SCAF8: variants seen among roughly 807,000 people sequenced by gnomAD.
SCAF8 encodes SR-related CTD associated factor 8, also known as SR-related and CTD-associated factor 8.
In SCAF8, 23 loss-of-function variants were observed where a neutral mutation model predicts 140.5. The observed-to-expected ratio is 0.16, with a 90% CI of 0.12 to 0.23. The LOEUF is 0.23. Among genes scored for constraint, SCAF8 ranks in the 10% least tolerant of loss-of-function variants. SCAF8 has a pLI of 1.00. For synonymous variants in SCAF8, 575 were observed against 528.9 expected (o/e 1.09, Z -1.20); for missense variants, 1,397 against 1,555.7 (o/e 0.90, Z 1.72).
rs1281459623 is a variant in SCAF8, at chr6:154,793,933, G to A, written c.475+957G>A. 4.2e-5 allele frequency among the ~76,000 whole-genome samples: 5 copies of A among 118,150 alleles called. No homozygotes were observed. The East Asian group carries it at 1.6e-3, about 39-fold the overall frequency. The allele number at this position is 118,150 out of a possible 152,430, so 77.5% of individuals were successfully genotyped here. On this transcript the variant is annotated intron_variant, in intron 5 of 19. Transcript: ENST00000367178. ...TGTGTGTGTATGAACAAAAATTGATGTACTGTTTTTTGAGACCTTGCTCTG... is the reference window on the plus strand; with the variant it reads ...TGTGTGTGTATGAACAAAAATTGATATACTGTTTTTTGAGACCTTGCTCTG...
chr6:154,787,947 T>C lies in SCAF8; in HGVS notation c.246T>C (p.Asp82=), dbSNP rs1012668288. 1.7e-5 allele frequency: 28 copies of C among 1,613,860 alleles called. No homozygotes were observed. The highest frequency in any genetic ancestry group is 2.2e-5 in the Non-Finnish European group (26 of 1,179,894). The change falls in exon 4 of 20, where the codon GAT becomes GAC. Residue 82 remains aspartate (D), a synonymous_variant. Transcript: ENST00000367178. The stretch of plus-strand genomic sequence containing the variant: ...GACATCAGTTTGGTCAAGAAAAGGA[T>C]GTGTTTGCACCCAGATTTAGTAATA... ...QSRHQFGQEK[D]VFAPRFSNNI... is the part of the protein sequence containing the mutation.
intron 7 of SCAF8, among the ~76,000 whole-genome samples, chr6:154,802,455 C>A (rs963179414): frequency 2.6e-5 from 4 of 151,962 alleles, no homozygotes; most frequent in Non-Finnish European, 5.9e-5. Flanking sequence ...AACCCCATCT[C>A]TATTAAAAAT....
chr6:154,810,664 G>T (rs1778063942), intron 12 of SCAF8, among the ~76,000 whole-genome samples: 1 of 152,164 alleles, frequency 6.6e-6, no homozygotes, highest in Non-Finnish European at 1.5e-5. Flanking sequence ...ACCTTGCACG[G>T]TTACATGTTA....
intron 19 of SCAF8, 29 bp from the exon 20 acceptor site, chr6:154,831,910 G>T: frequency 1.3e-6 from 2 of 1,549,552 alleles, no homozygotes; most frequent in South Asian, 1.3e-5. Flanking sequence ...CTGTTATTTT[G>T]AGTTTTTTCT....
chr6:154,806,785 G>GAT (rs1777928437), intron 9 of SCAF8, among the ~76,000 whole-genome samples: 1 of 151,612 alleles, frequency 6.6e-6, no homozygotes, highest in Non-Finnish European at 1.5e-5. Flanking sequence ...AAACAATTCT[G>GAT]ATATAAGTGG....
At chr6:154,735,227 A>G (rs979900486) in intron 1 of SCAF8, among the ~76,000 whole-genome samples, 1 of 152,006 alleles carries the variant, frequency 6.6e-6, no homozygotes, top group Non-Finnish European at 1.5e-5. Context: ...CGATACTATG[A>G]TTGTTAAAGA....
chr6:154,809,027 A>G (rs928551483), intron 11 of SCAF8, among the ~76,000 whole-genome samples: 3 of 152,196 alleles, frequency 2.0e-5, no homozygotes, highest in African/African-American at 7.2e-5. Flanking sequence ...ATCATGAGAC[A>G]GGGATTTTGA....
In SCAF8 at chr6:154,832,966, A is replaced by G; in HGVS notation, c.3387A>G (p.Arg1129=). The part of the protein sequence containing the change: ...ERGRFRSGNY[R]FDPRSGPWNR... ...GTAGATTTCGGTCTGGAAACTATCG[A>G]TTTGATCCTAGAAGTGGTCCTTGGA... The change falls in exon 20 of 20, where the codon CGA becomes CGG. Residue 1129 remains arginine (R), a synonymous_variant. Transcript: ENST00000367178. The G allele has an allele frequency of 6.2e-7, 1 of 1,614,088 alleles. No individual in the cohort carries two copies. Among genetic ancestry groups the G allele is most frequent in the Non-Finnish European group, 8.5e-7 (1 of 1,179,990 alleles).
intron 8 of SCAF8, among the ~76,000 whole-genome samples, chr6:154,804,928 A>T: frequency 6.6e-6 from 1 of 152,302 alleles, no homozygotes; most frequent in Admixed American, 6.5e-5. Context: ...TATTAGTTTT[A>T]TAAATTTTAT....
intron 3 of SCAF8, among the ~76,000 whole-genome samples, chr6:154,778,768 A>AGT (rs201081536): frequency 0.015 from 1,812 of 117,570 alleles, 25 homozygotes; most frequent in African/African-American, 0.049. Context: ...TGTCTCAAAA[A>AGT]ATGTGTGTGT....
At chr6:154,738,921 C>A (rs1168732204) in intron 1 of SCAF8, among the ~76,000 whole-genome samples, 1 of 152,066 alleles carries the variant, frequency 6.6e-6, no homozygotes, top group South Asian at 2.1e-4. Flanking sequence ...GAAAAGGGGT[C>A]GTGAGACAGT....
chr6:154,775,963 C>T (rs1404757778), intron 2 of SCAF8, among the ~76,000 whole-genome samples: 2 of 151,998 alleles, frequency 1.3e-5, no homozygotes, highest in Non-Finnish European at 2.9e-5. Context: ...TTCATAGTAA[C>T]ACTTAATCCT....
At chr6:154,764,369 T>C (rs1776502497) in intron 1 of SCAF8, among the ~76,000 whole-genome samples, 1 of 151,438 alleles carries the variant, frequency 6.6e-6, no homozygotes, top group Non-Finnish European at 1.5e-5. Flanking sequence ...AAAGGACAGG[T>C]GAAGACTGGT....
intron 3 of SCAF8, among the ~76,000 whole-genome samples, chr6:154,779,033 T>G (rs1395110140): frequency 1.3e-5 from 2 of 152,096 alleles, no homozygotes; most frequent in South Asian, 2.1e-4. Flanking sequence ...TTGTTTTGGT[T>G]TTTTTGTTTT....
chr6:154,760,497 G>A (rs1011556536), intron 1 of SCAF8, among the ~76,000 whole-genome samples: 3 of 151,996 alleles, frequency 2.0e-5, no homozygotes, highest in Non-Finnish European at 4.4e-5. Flanking sequence ...AAGGGTTCTA[G>A]ATTTGAAATT....
At chr6:154,750,971 T>C (rs781563350) in intron 1 of SCAF8, among the ~76,000 whole-genome samples, 127 of 152,216 alleles carry the variant, frequency 8.3e-4, no homozygotes, top group Non-Finnish European at 1.2e-3. Flanking sequence ...GACATGGGAA[T>C]GAATTGAAAT....
intron 3 of SCAF8, among the ~76,000 whole-genome samples, chr6:154,784,266 C>T (rs951988060): frequency 6.6e-6 from 1 of 151,094 alleles, no homozygotes; most frequent in Non-Finnish European, 1.5e-5. Flanking sequence ...TGTACATGGG[C>T]ACAAATAGTT....
intron 2 of SCAF8, among the ~76,000 whole-genome samples, chr6:154,774,753 T>A (rs1456519691): frequency 6.6e-6 from 1 of 152,206 alleles, no homozygotes; most frequent in Non-Finnish European, 1.5e-5. Flanking sequence ...GTTTTGAACC[T>A]ATGTTAACTC....
chr6:154,736,806 A>G (rs1208941163), intron 1 of SCAF8, among the ~76,000 whole-genome samples: 1 of 152,230 alleles, frequency 6.6e-6, no homozygotes, highest in East Asian at 1.9e-4. Context: ...GCACTCTCCC[A>G]TTTCCCCATA....
Sources: gnomAD v4.1 joint callset for allele counts (sites outside exome capture counted in the v4.1 genomes callset) on GRCh38, gnomAD v4.1.1 for gene constraint, MANE v1.5 for transcripts, NCBI Gene and HGNC (gene_info 2026-07-23, HGNC 2026-07-21) for gene names.